The following HERC4 variants were observed in gnomAD, a reference collection of about 807,000 sequenced individuals.
HERC4 encodes the protein probable E3 ubiquitin-protein ligase HERC4.
In HERC4, 28 loss-of-function variants were observed where a neutral mutation model predicts 124.3. That is an observed-to-expected ratio of 0.23 (90% confidence interval 0.17 to 0.31). HERC4 has a LOEUF of 0.31. HERC4 is among the 10% of genes least tolerant of loss of function. The probability of loss-of-function intolerance (pLI) is 1.00; values close to 1 mark genes in which losing one functional copy is unlikely to be tolerated. For missense variants in HERC4, 713 were observed against 1,229.3 expected (o/e 0.58, Z 6.28); for synonymous variants, 407 against 421.5 (o/e 0.97, Z 0.42).
chr10:68,025,196 C>A (rs1047885417), intron 8 of HERC4, among the ~76,000 whole-genome samples: 2 of 151,696 alleles, frequency 1.3e-5, no homozygotes, highest in African/African-American at 4.8e-5. Flanking sequence ...GTACTCCAGA[C>A]TGGGTGACAG....
chr10:67,952,948 AG>A (rs2033901186), intron 19 of HERC4, among the ~76,000 whole-genome samples: 2 of 152,028 alleles, frequency 1.3e-5, no homozygotes, highest in African/African-American at 4.8e-5. Context: ...AATAATATAA[AG>A]AACTCCCATG....
intron 15 of HERC4, among the ~76,000 whole-genome samples, chr10:67,986,393 C>T (rs983453797): frequency 6.6e-6 from 1 of 152,132 alleles, no homozygotes; most frequent in Non-Finnish European, 1.5e-5. Context: ...CACTCTTTTG[C>T]CCAGGCTGGA....
intron 23 of HERC4, among the ~76,000 whole-genome samples, chr10:67,926,864 T>C (rs2031039592): frequency 6.6e-6 from 1 of 152,230 alleles, no homozygotes; most frequent in South Asian, 2.1e-4. Context: ...ATTAAAACTG[T>C]GTATTAAACA....
chr10:67,962,091 G>A (rs1482052664), intron 16 of HERC4, among the ~76,000 whole-genome samples: 1 of 151,978 alleles, frequency 6.6e-6, no homozygotes, highest in Admixed American at 6.6e-5. Context: ...TAGATTCACA[G>A]CAAAATTGAA....
At chr10:68,039,675 C>A in intron 4 of HERC4, 2 of 1,361,930 alleles carry the variant, frequency 1.5e-6, no homozygotes, top group South Asian at 3.8e-5. Context: ...TCAAACTCAA[C>A]AAAATGCCAT....
chr10:68,016,234 T>C (rs1056227161), intron 8 of HERC4, among the ~76,000 whole-genome samples: 3 of 152,264 alleles, frequency 2.0e-5, no homozygotes, highest in Admixed American at 1.3e-4. Flanking sequence ...TACTGGAATG[T>C]AAACCTTTTT....
intron 4 of HERC4, 107 bp from the exon 5 acceptor site, chr10:68,038,276 T>C (rs546854230): frequency 1.1e-5 from 5 of 469,500 alleles, no homozygotes; most frequent in Admixed American, 3.9e-5. Flanking sequence ...ACATAGGTCA[T>C]ATTATTTTTT....
chr10:67,925,122 A>G lies in HERC4; in HGVS notation c.2904T>C (p.Phe968=). The change falls in exon 24 of 25, where the codon TTT becomes TTC. Residue 968 remains phenylalanine (F), a synonymous_variant. Coordinates refer to ENST00000373700, the MANE Select transcript of HERC4 (RefSeq NM_015601.4). The stretch of plus-strand genomic sequence containing the variant: ...TCTTCTTTTCCAATGGTAATTCGTG[A>G]AATACTTCCCAAAAAATTTTTATCG... ...HPTIKIFWEV[F]HELPLEKKKQ... is the part of the protein sequence containing the mutation. 1 of 1,605,406 alleles carries G rather than the reference A, an allele frequency of 6.2e-7. No individual in the cohort carries two copies. The highest frequency in any genetic ancestry group is 8.5e-7 in the Non-Finnish European group (1 of 1,172,282).
At chr10:67,963,365 C>T (rs766099500) in intron 16 of HERC4, among the ~76,000 whole-genome samples, 23 of 152,026 alleles carry the variant, frequency 1.5e-4, no homozygotes, top group Non-Finnish European at 2.4e-4. Flanking sequence ...TACAGGTGCC[C>T]GCCACGATGC....
rs139548183 is a variant in HERC4 at position 67,922,722 on chromosome 10, CA to C, written c.*208del. 5,572 of 356,330 alleles carry C rather than the reference CA, an allele frequency of 0.016. 272 individuals carry two copies. The highest frequency in any genetic ancestry group is 0.1 in the African/African-American group (5,040 of 48,698). The allele number at this position is 356,330 out of a possible 1,614,324, so 22.1% of individuals were successfully genotyped here. ...CTTGCTATGTTTATTAGAAGATGGTCAAAAAAAATCCATGGTTCTGTACAAT... is the reference window on the plus strand; with the variant it reads ...CTTGCTATGTTTATTAGAAGATGGTCAAAAAAATCCATGGTTCTGTACAAT... On this transcript the variant is annotated 3_prime_UTR_variant, in exon 25 of 25. Coordinates refer to ENST00000373700, the MANE Select transcript of HERC4 (RefSeq NM_015601.4).
At chr10:67,969,844 A>T (rs2035124009) in intron 15 of HERC4, among the ~76,000 whole-genome samples, 1 of 152,132 alleles carries the variant, frequency 6.6e-6, no homozygotes, top group Non-Finnish European at 1.5e-5. Context: ...CACATAATCT[A>T]CCTAAAACCA....
intron 19 of HERC4, among the ~76,000 whole-genome samples, chr10:67,942,607 G>T (rs1236414151): frequency 6.6e-6 from 1 of 152,058 alleles, no homozygotes; most frequent in Non-Finnish European, 1.5e-5. Flanking sequence ...CACCTCCTCG[G>T]TTCAAGTGAT....
chr10:68,004,793 C>T (rs1168430300), intron 9 of HERC4, among the ~76,000 whole-genome samples: 1 of 152,184 alleles, frequency 6.6e-6, no homozygotes, highest in African/African-American at 2.4e-5. Flanking sequence ...CCTTATAAAA[C>T]AATCAGATCT....
chr10:68,049,309 G>T (rs929488563), intron 3 of HERC4, among the ~76,000 whole-genome samples: 3 of 152,068 alleles, frequency 2.0e-5, no homozygotes, highest in African/African-American at 7.2e-5. Context: ...GCTATTTTTT[G>T]TGTAAGAGGA....
chr10:68,007,501 C>T (rs535548840), intron 9 of HERC4, among the ~76,000 whole-genome samples: 35 of 152,126 alleles, frequency 2.3e-4, no homozygotes, highest in Admixed American at 4.6e-4. Flanking sequence ...TTTCCTGGAT[C>T]GTCTTGATGC....
chr10:68,032,318 G>A (rs886825984), intron 7 of HERC4, among the ~76,000 whole-genome samples: 3 of 152,128 alleles, frequency 2.0e-5, no homozygotes, highest in Non-Finnish European at 4.4e-5. Flanking sequence ...CACTGTAACT[G>A]CTTGCACAAT....
At chr10:68,005,043 T>G (rs550357342) in intron 9 of HERC4, among the ~76,000 whole-genome samples, 1 of 152,230 alleles carries the variant, frequency 6.6e-6, no homozygotes, top group African/African-American at 2.4e-5. Flanking sequence ...CCAATGTATG[T>G]CCTTGGCGCC....
At chr10:68,011,937 C>T (rs762910041) in intron 9 of HERC4, among the ~76,000 whole-genome samples, 5 of 152,232 alleles carry the variant, frequency 3.3e-5, no homozygotes, top group African/African-American at 7.2e-5. Context: ...TTAGTATACC[C>T]ACCTTCGTCA....
At chr10:67,935,950 T>C (rs1182731452) in intron 22 of HERC4, among the ~76,000 whole-genome samples, 4 of 152,302 alleles carry the variant, frequency 2.6e-5, no homozygotes, top group African/African-American at 9.6e-5. Context: ...CCAAAAATGT[T>C]TGCTGCTGTC....
Sources: gnomAD v4.1 joint callset for allele counts (sites outside exome capture counted in the v4.1 genomes callset) on GRCh38, gnomAD v4.1.1 for gene constraint, MANE v1.5 for transcripts, NCBI Gene and HGNC (gene_info 2026-07-23, HGNC 2026-07-21) for gene names.